Variants in XPOT observed in about 807,000 individuals in gnomAD.
The protein encoded by XPOT is exportin for tRNA.
In XPOT, 34 loss-of-function variants were observed where a neutral mutation model predicts 128.2. The observed-to-expected ratio is 0.27, with a 90% CI of 0.20 to 0.35. The LOEUF (loss-of-function observed/expected upper bound fraction) is 0.35, where lower values mean the gene tolerates loss of function less well. XPOT is among the 10% of genes least tolerant of loss of function. XPOT has a pLI of 1.00. For synonymous variants in XPOT, 348 were observed against 394.3 expected (o/e 0.88, Z 1.39); for missense variants, 838 against 1,125.3 (o/e 0.74, Z 3.65).
At chr12:64,429,614 T>C (rs1413458650) in intron 16 of XPOT, among the ~76,000 whole-genome samples, 3 of 152,080 alleles carry the variant, frequency 2.0e-5, no homozygotes, top group Non-Finnish European at 1.5e-5. Flanking sequence ...CTAATTTTTG[T>C]ATTTTTAGTA....
chr12:64,409,900 C>T, intron 1 of XPOT, 62 bp from the exon 2 acceptor site: 1 of 670,450 alleles, frequency 1.5e-6, no homozygotes, highest in South Asian at 1.9e-5. Context: ...TTACGTTATT[C>T]AGGATAAGCA....
rs183672379 is a variant in XPOT, at chr12:64,428,354, A to G, written c.1737+234A>G. Among the ~76,000 whole-genome samples the G allele has an allele frequency of 4.8e-4, 73 of 152,342 alleles. 2 individuals carry two copies. In the East Asian group the frequency reaches 0.01, roughly 21 times the overall value. On this transcript the variant is annotated intron_variant, in intron 16 of 24. Transcript: ENST00000332707. ...ATGGGGTATATTGTTAAAATGTTGA[A>G]GCATTTTATGAAGAAGAAAAAATTC... is the stretch of plus-strand genomic sequence containing the variant.
intron 15 of XPOT, among the ~76,000 whole-genome samples, chr12:64,426,829 A>G (rs1350045391): frequency 6.6e-6 from 1 of 152,088 alleles, no homozygotes; most frequent in African/African-American, 2.4e-5. Flanking sequence ...CTAAAAATAC[A>G]GAAAATTAGC....
At chr12:64,404,862 C>G (rs1191849074) in intron 1 of XPOT, 58 bp downstream of exon 1, 1 of 149,540 alleles carries the variant, frequency 6.7e-6, no homozygotes, top group Non-Finnish European at 1.5e-5. Flanking sequence ...CGTGAGGCTT[C>G]GAGGAAGTTG....
intron 21 of XPOT, among the ~76,000 whole-genome samples, chr12:64,435,343 G>A (rs191163774): frequency 2.6e-5 from 4 of 152,144 alleles, no homozygotes; most frequent in South Asian, 2.1e-4. Flanking sequence ...GTCAATTTCC[G>A]CTTTCTCACT....
Position 64,450,665 on chromosome 12 carries a change from A to G in XPOT, c.*2534A>G, listed in dbSNP as rs1297345401. 1 of 152,236 alleles carries G rather than the reference A, an allele frequency of 6.6e-6. No homozygotes were observed. The highest frequency in any genetic ancestry group is 1.5e-5 in the Non-Finnish European group (1 of 68,038). The allele number at this position is 152,236 out of a possible 1,614,324, so 9.4% of individuals were successfully genotyped here. The stretch of plus-strand genomic sequence containing the variant: ...GCACCATCACAGCTAGGAAGCTTCC[A>G]TCATGAATTACCTTATTTCCAAAAG... On this transcript the variant is annotated 3_prime_UTR_variant, in exon 25 of 25. Transcript: ENST00000332707.
rs757487933 is a variant in XPOT at position 64,431,592 on chromosome 12, C to T, written c.2031C>T (p.Ser677=). The T allele has an allele frequency of 8.1e-6, 13 of 1,613,752 alleles. No homozygotes were observed. The highest frequency in any genetic ancestry group is 1.7e-5 in the Admixed American group (1 of 59,976). ...AGACTGTGAAACAATGTGGCTGTTC[C>T]GAAGTTTATCTGGACTGTTTACAGA... ...NKQTVKQCGC[S]EVYLDCLQTF... Residue 677 remains serine (S), a synonymous_variant, in exon 18 of 25, where the codon TCC becomes TCT. Transcript: ENST00000332707.
intron 6 of XPOT, 144 bp from the exon 7 acceptor site, chr12:64,419,926 G>C: frequency 3.2e-6 from 2 of 632,344 alleles, no homozygotes; most frequent in Non-Finnish European, 5.0e-6. Context: ...AGAATCACAG[G>C]ATATGATCTT....
chr12:64,409,842 CAAA>C lies in XPOT; in HGVS notation c.-74-118_-74-116del, dbSNP rs2040021015. On this transcript the variant is annotated intron_variant, in intron 1 of 24. Transcript: ENST00000332707. Reference sequence around the variant, plus strand: ...TTTTAGTTGTAATTTAGATAAGTTCCAAAATAAGTTTTTAAACATTTAAGCTTC... The same window carrying C: ...TTTTAGTTGTAATTTAGATAAGTTCCATAAGTTTTTAAACATTTAAGCTTC... 1.3e-5 allele frequency: 7 copies of C among 529,938 alleles called. No homozygotes were observed. The East Asian group carries it at 2.1e-4, about 16-fold the overall frequency. The allele number at this position is 529,938 out of a possible 1,614,324, so 32.8% of individuals were successfully genotyped here.
chr12:64,405,949 A>G (rs1274812265), intron 1 of XPOT, among the ~76,000 whole-genome samples: 1 of 151,278 alleles, frequency 6.6e-6, no homozygotes, highest in Non-Finnish European at 1.5e-5. Flanking sequence ...AATGCCTTCT[A>G]TGTGGGGGAT....
chr12:64,425,812 T>G lies in XPOT; in HGVS notation c.1573-3T>G, dbSNP rs765774797. 1 of 1,613,642 alleles carries G rather than the reference T, an allele frequency of 6.2e-7. No individual in the cohort carries two copies. Among genetic ancestry groups the G allele is most frequent in the African/African-American group, 1.3e-5 (1 of 75,050 alleles). ...GAAATAGTAAAAGTGTCTCCTTCTT[T>G]AGATGGCTTTCTTAGATCACAGAGG... On this transcript the variant is annotated splice_polypyrimidine_tract_variant and splice_region_variant and intron_variant, in intron 14 of 24. Transcript: ENST00000332707.
Position 64,428,056 on chromosome 12 carries a change from AAATG to A in XPOT, c.1677_1680del (p.Met559IlefsTer8). The A allele has an allele frequency of 6.4e-7, 1 of 1,569,294 alleles. No homozygotes were observed. Among genetic ancestry groups the A allele is most frequent in the Non-Finnish European group, 8.8e-7 (1 of 1,141,712 alleles). On this transcript the variant is annotated frameshift_variant, in exon 16 of 25. Coordinates refer to ENST00000332707, the MANE Select transcript of XPOT (RefSeq NM_007235.6). LOFTEE classifies it high-confidence loss of function. ...TTCCTTTTTCTGTTTTTCAGTAAGC[AAATG>A]AATCCTTTCATTGAGGATATTTTGA...
chr12:64,409,938 T>C, intron 1 of XPOT, 24 bp from the exon 2 acceptor site: 1 of 924,890 alleles, frequency 1.1e-6, no homozygotes, highest in South Asian at 1.4e-5. Flanking sequence ...TAATGTTTTC[T>C]TTCAACTTTG....
chr12:64,411,089 G>A (rs1475651712), intron 2 of XPOT, among the ~76,000 whole-genome samples: 2 of 152,022 alleles, frequency 1.3e-5, no homozygotes, highest in Non-Finnish European at 2.9e-5. Flanking sequence ...AATAAGTAAC[G>A]AGCCCTTCAG....
intron 19 of XPOT, 63 bp downstream of exon 19, chr12:64,433,666 T>A: frequency 1.4e-6 from 2 of 1,432,414 alleles, no homozygotes; most frequent in Non-Finnish European, 1.9e-6. Flanking sequence ...TACATCTATA[T>A]GACCAAGAGC....
rs2040020697 is a variant in XPOT at position 64,409,792 on chromosome 12, A to G, written c.-74-170A>G. On this transcript the variant is annotated intron_variant, in intron 1 of 24. Coordinates refer to ENST00000332707, the MANE Select transcript of XPOT (RefSeq NM_007235.6). ...ATTAGTGGAGTAGTTAGCAGAGCCC[A>G]TTTTTCTGAGAATTAGGCTCTAACT... is the stretch of plus-strand genomic sequence containing the variant. 6.1e-6 allele frequency: 3 copies of G among 493,562 alleles called. No individual in the cohort carries two copies. The Admixed American group carries it at 1.1e-4, about 17-fold the overall frequency. 30.6% of individuals were successfully genotyped at this position (493,562 alleles called of 1,614,324 possible).
intron 23 of XPOT, among the ~76,000 whole-genome samples, chr12:64,439,596 G>T (rs2040308896): frequency 6.6e-6 from 1 of 152,072 alleles, no homozygotes; most frequent in African/African-American, 2.4e-5. Flanking sequence ...GTAATCCCAT[G>T]TATTATGTTT....
At chr12:64,420,890 TC>T (rs2040131818) in intron 8 of XPOT, among the ~76,000 whole-genome samples, 1 of 152,212 alleles carries the variant, frequency 6.6e-6, no homozygotes, top group Non-Finnish European at 1.5e-5. Context: ...AACCTCCGTC[TC>T]CCGGGTTCAA....
rs1017782814 is a variant in XPOT at position 64,404,469 on chromosome 12, G to GGCGGCGGCGGCT, written c.-398_-387dup. On this transcript the variant is annotated 5_prime_UTR_variant, in exon 1 of 25. Transcript: ENST00000332707. ...GGAGCGCGCTTCGCGCTGACTCAGC[G>GGCGGCGGCGGCT]GCGGCGGCGGCTGCGGCGGCGGCGG... 114 of 157,174 alleles carry GGCGGCGGCGGCT rather than the reference G, an allele frequency of 7.3e-4. 2 individuals are homozygous for GGCGGCGGCGGCT. In the South Asian group the frequency reaches 0.019, roughly 26 times the overall value. The allele number at this position is 157,174 out of a possible 1,614,324, so 9.7% of individuals were successfully genotyped here. A position where few individuals can be genotyped will look rare whatever the true frequency, so the allele number is the denominator to read the frequency against.
Sources: gnomAD v4.1 joint callset for allele counts (sites outside exome capture counted in the v4.1 genomes callset) on GRCh38, gnomAD v4.1.1 for gene constraint, MANE v1.5 for transcripts, NCBI Gene and HGNC (gene_info 2026-07-23, HGNC 2026-07-21) for gene names.